HERC3: variants seen among roughly 807,000 people sequenced by gnomAD.
The protein encoded by HERC3 is HECT and RLD domain containing E3 ubiquitin protein ligase 3.
A neutral mutation model predicts 129.9 loss-of-function variants in HERC3; 58 were observed. That is an observed-to-expected ratio of 0.45 (90% CI 0.36 to 0.56). The LOEUF (loss-of-function observed/expected upper bound fraction) is 0.56. Among genes scored for constraint, HERC3 ranks in the 20% least tolerant of loss-of-function variants. HERC3 has a pLI of 0.00. For missense variants in HERC3, 835 were observed against 1,244.2 expected (o/e 0.67, Z 4.95); for synonymous variants, 430 against 451.0 (o/e 0.95, Z 0.59).
the HERC3 span, among the ~76,000 whole-genome samples, chr4:88,529,000 T>G: frequency 6.6e-6 from 1 of 152,326 alleles, no homozygotes; most frequent in East Asian, 1.9e-4. Flanking sequence ...AAGTATTAAT[T>G]TATTAATTTA....
the HERC3 span, among the ~76,000 whole-genome samples, chr4:88,529,371 C>A: frequency 6.6e-6 from 1 of 152,128 alleles, no homozygotes; most frequent in African/African-American, 2.4e-5. Context: ...GAAGGAGGAT[C>A]ACTTGGGCCT....
chr4:88,621,229 C>G (rs1725484165), intron 3 of HERC3, among the ~76,000 whole-genome samples: 1 of 152,098 alleles, frequency 6.6e-6, no homozygotes, highest in Admixed American at 6.5e-5. Context: ...GCCTCAGCCT[C>G]CTGAGTAGCT....
chr4:88,558,146 C>G, the HERC3 span, among the ~76,000 whole-genome samples: 1 of 148,606 alleles, frequency 6.7e-6, no homozygotes, highest in African/African-American at 2.5e-5. Context: ...AATCCCAGTA[C>G]CAGGTATCTA....
intron 9 of HERC3, chr4:88,658,127 T>C (rs1004025083): frequency 1.3e-5 from 3 of 232,208 alleles, no homozygotes; most frequent in Admixed American, 1.1e-4. Context: ...TTCAGGTCAG[T>C]GGCATGACAG....
the HERC3 span, among the ~76,000 whole-genome samples, chr4:88,575,744 C>T: frequency 7.0e-4 from 107 of 152,292 alleles, 2 homozygotes; most frequent in East Asian, 0.016. Context: ...CTTTATTCCA[C>T]GTTCATTTAA....
intron 22 of HERC3, 58 bp from the exon 23 acceptor site, chr4:88,687,159 C>T: frequency 7.4e-7 from 1 of 1,346,468 alleles, no homozygotes; most frequent in Non-Finnish European, 1.1e-6. Context: ...CATTTGAGTT[C>T]TAGAAAGATG....
At chr4:88,642,968 A>G (rs1403466626) in intron 3 of HERC3, among the ~76,000 whole-genome samples, 1 of 152,116 alleles carries the variant, frequency 6.6e-6, no homozygotes, top group Non-Finnish European at 1.5e-5. Context: ...AAAAAAAACC[A>G]TCTCTATTCT....
intron 3 of HERC3, among the ~76,000 whole-genome samples, chr4:88,648,610 T>G (rs1251710476): frequency 6.6e-6 from 1 of 152,198 alleles, no homozygotes; most frequent in Non-Finnish European, 1.5e-5. Flanking sequence ...TCTAGAAACT[T>G]TTAGACTCTT....
chr4:88,595,965 T>C (rs1722342456), intron 2 of HERC3, among the ~76,000 whole-genome samples: 1 of 146,064 alleles, frequency 6.8e-6, no homozygotes, highest in African/African-American at 2.5e-5. Flanking sequence ...TTCTCCTGCC[T>C]CAGCCTCCCG....
chr4:88,664,084 A>G (rs2972018), intron 11 of HERC3, 69 bp from the exon 12 acceptor site: 393,326 of 1,354,626 alleles, frequency 0.29, 64,947 homozygotes, highest in African/African-American at 0.61. Context: ...TTACTTTATT[A>G]TTGATGCTTA....
chr4:88,700,396 T>A (rs1735215898), intron 23 of HERC3, among the ~76,000 whole-genome samples: 1 of 152,106 alleles, frequency 6.6e-6, no homozygotes, highest in Admixed American at 6.5e-5. Context: ...TTTAATCTGT[T>A]TAGTGTTGCT....
the HERC3 span, among the ~76,000 whole-genome samples, chr4:88,565,729 AT>A: frequency 1.3e-5 from 2 of 152,114 alleles, no homozygotes; most frequent in Non-Finnish European, 2.9e-5. Context: ...ATTCAATATT[AT>A]TGATAAGTAC....
Position 88,680,191 on chromosome 4 carries a change from G to A in HERC3, c.2295G>A (p.Met765Ile). 1 of 1,611,710 alleles carries A rather than the reference G, an allele frequency of 6.2e-7. No homozygotes were observed. The highest frequency in any genetic ancestry group is 8.5e-7 in the Non-Finnish European group (1 of 1,179,090). Residue 765 changes from methionine to isoleucine, a missense_variant, in exon 20 of 26, where the codon ATG (methionine) becomes ATA (isoleucine). Met to Ile is a conservative substitution (Grantham distance 10). Transcript: ENST00000402738. ...LKELLNPIYG[M>I]FTYYQDSNLL... is the part of the protein sequence containing the mutation. ...AACTTTTGAATCCCATCTATGGAAT[G>A]TTTACCTACTATCAAGATTCAAATC...
chr4:88,679,101 G>A (rs1732477439), intron 19 of HERC3, among the ~76,000 whole-genome samples: 1 of 152,154 alleles, frequency 6.6e-6, no homozygotes, highest in South Asian at 2.1e-4. Flanking sequence ...TTCTCTGCCC[G>A]AGTCATTATC....
At chr4:88,685,398 C>G (rs1733315773) in intron 21 of HERC3, among the ~76,000 whole-genome samples, 1 of 152,164 alleles carries the variant, frequency 6.6e-6, no homozygotes, top group South Asian at 2.1e-4. Context: ...ACATACACAC[C>G]ATGGAATACT....
intron 2 of HERC3, among the ~76,000 whole-genome samples, chr4:88,602,756 A>T (rs1416940428): frequency 6.6e-6 from 1 of 152,180 alleles, no homozygotes; most frequent in Non-Finnish European, 1.5e-5. Flanking sequence ...TTAGGATCAC[A>T]GGTGTGAGCC....
the HERC3 span, among the ~76,000 whole-genome samples, chr4:88,580,244 T>C: frequency 6.6e-6 from 1 of 152,092 alleles, no homozygotes; most frequent in African/African-American, 2.4e-5. Flanking sequence ...GTGGAATTAG[T>C]CCAGGTGCAG....
intron 10 of HERC3, among the ~76,000 whole-genome samples, chr4:88,658,840 C>T (rs758793858): frequency 6.6e-6 from 1 of 152,134 alleles, no homozygotes; most frequent in Non-Finnish European, 1.5e-5. Flanking sequence ...GCAACAAATG[C>T]TAGGTGTTTG....
chr4:88,588,637 A>G (rs1477148414), upstream of HERC3, among the ~76,000 whole-genome samples: 3 of 152,240 alleles, frequency 2.0e-5, no homozygotes. Context: ...TTCATCCAAG[A>G]TATCAGAAAT....
Sources: gnomAD v4.1 joint callset for allele counts (sites outside exome capture counted in the v4.1 genomes callset) on GRCh38, gnomAD v4.1.1 for gene constraint, MANE v1.5 for transcripts, NCBI Gene and HGNC (gene_info 2026-07-23, HGNC 2026-07-21) for gene names.